Variants in NCAM2 observed in about 807,000 individuals in gnomAD.
The protein encoded by NCAM2 is N-CAM-2.
In NCAM2, 30 loss-of-function variants were observed where a neutral mutation model predicts 98.1. The observed-to-expected ratio is 0.31, with a 90% CI of 0.23 to 0.41. The LOEUF (loss-of-function observed/expected upper bound fraction) is 0.41, where lower values mean the gene tolerates loss of function less well. NCAM2 is among the 10% of genes least tolerant of loss of function. NCAM2 has a pLI of 1.00. For synonymous variants in NCAM2, 368 were observed against 342.4 expected (o/e 1.07, Z -0.83); for missense variants, 867 against 1,005.8 (o/e 0.86, Z 1.87).
intron 1 of NCAM2, among the ~76,000 whole-genome samples, chr21:21,163,886 G>A (rs1461054530): frequency 6.6e-6 from 1 of 152,134 alleles, no homozygotes; most frequent in African/African-American, 2.4e-5. Flanking sequence ...AGAGTCTTGT[G>A]TTCTAGCTAA....
At chr21:21,027,181 T>A (rs927931504) in intron 1 of NCAM2, among the ~76,000 whole-genome samples, 1 of 152,200 alleles carries the variant, frequency 6.6e-6, no homozygotes, top group African/African-American at 2.4e-5. Context: ...TTCTGAGTTA[T>A]AATTTTTTAA....
intron 16 of NCAM2, among the ~76,000 whole-genome samples, chr21:21,520,258 C>A (rs1182499943): frequency 6.6e-6 from 1 of 151,976 alleles, no homozygotes; most frequent in Admixed American, 6.6e-5. Context: ...TTTATTCTGG[C>A]AGGAACCACA....
intron 9 of NCAM2, among the ~76,000 whole-genome samples, chr21:21,398,266 G>A (rs1041403987): frequency 1.3e-5 from 2 of 152,138 alleles, no homozygotes; most frequent in African/African-American, 4.8e-5. Context: ...TGAAGGGAAA[G>A]GGTGAGAGTA....
rs181540958 is a variant in NCAM2 at position 21,365,761 on chromosome 21, C to A, written c.1045-8102C>A. On this transcript the variant is annotated intron_variant, in intron 8 of 17. Transcript: ENST00000400546. ...ATAAAAATTGTATATATTGAAAAAA[C>A]AACATTTTCAATACTGAAAATGACC... Among the ~76,000 whole-genome samples, 6 of 152,040 alleles carry A rather than the reference C, an allele frequency of 3.9e-5. No individual in the cohort carries two copies. The East Asian group carries it at 9.7e-4, about 25-fold the overall frequency.
At chr21:21,391,765 T>G (rs1323906211) in intron 9 of NCAM2, among the ~76,000 whole-genome samples, 1 of 152,196 alleles carries the variant, frequency 6.6e-6, no homozygotes. Context: ...TCTTGGTATC[T>G]CAGAATTCTT....
At chr21:21,452,771 A>AT (rs1981399474) in intron 12 of NCAM2, among the ~76,000 whole-genome samples, 2 of 80,758 alleles carry the variant, frequency 2.5e-5, no homozygotes, top group Non-Finnish European at 4.5e-5. Context: ...TTATGTATTA[A>AT]AATATAGTAT....
intron 1 of NCAM2, among the ~76,000 whole-genome samples, chr21:21,042,121 G>A (rs2064918431): frequency 6.6e-6 from 1 of 152,074 alleles, no homozygotes; most frequent in African/African-American, 2.4e-5. Context: ...TTGGAAGATG[G>A]GTCAATCTGA....
At chr21:21,080,154 T>G (rs995195839) in intron 1 of NCAM2, among the ~76,000 whole-genome samples, 7 of 152,188 alleles carry the variant, frequency 4.6e-5, no homozygotes, top group Non-Finnish European at 1.5e-5. Context: ...ATTGCCGTAA[T>G]AGTAATGATG....
At chr21:21,473,993 G>T (rs796343787) in intron 14 of NCAM2, among the ~76,000 whole-genome samples, 88 of 151,350 alleles carry the variant, frequency 5.8e-4, no homozygotes, top group African/African-American at 2.1e-3. Context: ...CATTTAATTG[G>T]CTTATTAATA....
At chr21:21,500,122 A>T (rs145771556) in intron 15 of NCAM2, among the ~76,000 whole-genome samples, 3 of 152,294 alleles carry the variant, frequency 2.0e-5, no homozygotes, top group African/African-American at 7.2e-5. Context: ...GAAGGAAGGA[A>T]GAATATAAAA....
chr21:21,107,646 C>T (rs2066376188), intron 1 of NCAM2, among the ~76,000 whole-genome samples: 1 of 152,014 alleles, frequency 6.6e-6, no homozygotes, highest in African/African-American at 2.4e-5. Context: ...TGCACGTTAG[C>T]ATTAAGGGAA....
intron 1 of NCAM2, among the ~76,000 whole-genome samples, chr21:21,148,193 C>G (rs1475152113): frequency 2.6e-5 from 4 of 152,130 alleles, no homozygotes; most frequent in Non-Finnish European, 4.4e-5. Flanking sequence ...TAAACATACT[C>G]AGAAATTATG....
intron 1 of NCAM2, among the ~76,000 whole-genome samples, chr21:21,003,433 T>C (rs1206606568): frequency 6.6e-6 from 1 of 151,818 alleles, no homozygotes; most frequent in Non-Finnish European, 1.5e-5. Context: ...CTACTAAGAG[T>C]CTCTTAACCT....
chr21:21,475,233 G>C (rs1985012131), intron 14 of NCAM2, among the ~76,000 whole-genome samples: 1 of 152,056 alleles, frequency 6.6e-6, no homozygotes, highest in Admixed American at 6.6e-5. Flanking sequence ...AATGGCGCTA[G>C]AGTGTATTAT....
chr21:21,206,431 A>T (rs974458086), intron 1 of NCAM2, among the ~76,000 whole-genome samples: 1 of 152,130 alleles, frequency 6.6e-6, no homozygotes, highest in African/African-American at 2.4e-5. Context: ...GATTCACCTA[A>T]TTATTCTAAA....
At chr21:21,270,101 G>T (rs908183501) in intron 1 of NCAM2, among the ~76,000 whole-genome samples, 1 of 152,120 alleles carries the variant, frequency 6.6e-6, no homozygotes, top group Admixed American at 6.6e-5. Flanking sequence ...TTAGTACTGC[G>T]TAATATTAGT....
At chr21:21,481,295 C>T (rs1250073877) in intron 15 of NCAM2, among the ~76,000 whole-genome samples, 1 of 152,128 alleles carries the variant, frequency 6.6e-6, no homozygotes, top group African/African-American at 2.4e-5. Context: ...ATCACTCCAC[C>T]CCTCATCATG....
chr21:21,379,779 T>G (rs1240237671), intron 9 of NCAM2, among the ~76,000 whole-genome samples: 2 of 152,016 alleles, frequency 1.3e-5, no homozygotes, highest in Admixed American at 1.3e-4. Flanking sequence ...TTTGCACTCA[T>G]CAGGATTCCT....
At chr21:21,202,187 G>C (rs549577931) in intron 1 of NCAM2, among the ~76,000 whole-genome samples, 5 of 152,014 alleles carry the variant, frequency 3.3e-5, no homozygotes, top group Admixed American at 6.6e-5. Context: ...TCCCAGTTTT[G>C]TGACTTTGTA....
Sources: gnomAD v4.1 joint callset for allele counts (sites outside exome capture counted in the v4.1 genomes callset) on GRCh38, gnomAD v4.1.1 for gene constraint, MANE v1.5 for transcripts, NCBI Gene and HGNC (gene_info 2026-07-23, HGNC 2026-07-21) for gene names.